XYLB: variants seen among roughly 807,000 people sequenced by gnomAD.
The protein encoded by XYLB is xylulose kinase.
Under a neutral mutation model 78.7 loss-of-function variants are expected in XYLB, and 62 were observed. The observed-to-expected ratio is 0.79, with a 90% CI of 0.64 to 0.97. XYLB has a LOEUF of 0.97. Among genes scored for constraint, XYLB ranks in the 50% least tolerant of loss-of-function variants. XYLB has a pLI of 0.00. For missense variants in XYLB, 687 were observed against 676.8 expected, an observed-to-expected ratio of 1.02 and a Z score of -0.17; for synonymous variants, 245 against 247.4, an observed-to-expected ratio of 0.99 and a Z score of 0.09.
chr3:38,398,579 C>T (rs1374391063), intron 17 of XYLB, among the ~76,000 whole-genome samples: 1 of 152,188 alleles, frequency 6.6e-6, no homozygotes, highest in South Asian at 2.1e-4. Flanking sequence ...GAATTTATTT[C>T]CAGATTCTTA....
At chr3:38,425,965 G>C (rs141393806), downstream of XYLB, among the ~76,000 whole-genome samples, 1,031 of 152,290 alleles carry the variant, frequency 6.8e-3, 11 homozygotes, top group African/African-American at 0.022. Context: ...CCAAGAAGGA[G>C]TATGGATACC....
chr3:38,431,955 GA>G, the XYLB span, among the ~76,000 whole-genome samples: 1 of 151,682 alleles, frequency 6.6e-6, no homozygotes, highest in Non-Finnish European at 1.5e-5. Flanking sequence ...ATTCAAGATT[GA>G]AAAAAAAGAT....
chr3:38,390,122 G>A lies in XYLB; in HGVS notation c.1292-5383G>A, dbSNP rs564312855. Reference sequence around the variant, plus strand: ...ATTCTGTCATTGTTACAGCACAAATGTGTTCTTTCTTGACCATCATCATCT... The same window carrying A: ...ATTCTGTCATTGTTACAGCACAAATATGTTCTTTCTTGACCATCATCATCT... On this transcript the variant is annotated intron_variant, in intron 15 of 18. Coordinates refer to ENST00000207870, the MANE Select transcript of XYLB (RefSeq NM_005108.4). 6.3e-4 allele frequency among the ~76,000 whole-genome samples: 96 copies of A among 152,276 alleles called. 2 individuals are homozygous for A. The highest frequency in any genetic ancestry group is 2.3e-3 in the African/African-American group (94 of 41,568).
downstream of XYLB, among the ~76,000 whole-genome samples, chr3:38,415,525 G>A (rs1477662192): frequency 2.6e-5 from 4 of 152,320 alleles, no homozygotes; most frequent in African/African-American, 9.6e-5. Flanking sequence ...GCTCATGTCT[G>A]TAATCCCAGC....
chr3:38,365,093 T>C, intron 4 of XYLB, 106 bp from the exon 5 acceptor site: 1 of 930,154 alleles, frequency 1.1e-6, no homozygotes, highest in Non-Finnish European at 1.7e-6. Flanking sequence ...CAGGGGCAGG[T>C]GTGGAGCCCA....
chr3:38,398,023 T>C (rs1707953577), intron 17 of XYLB, among the ~76,000 whole-genome samples: 1 of 151,382 alleles, frequency 6.6e-6, no homozygotes, highest in Admixed American at 6.6e-5. Context: ...TTTCACTGTG[T>C]TAGCCAGGAT....
downstream of XYLB, chr3:38,421,235 C>T (rs770979736): frequency 2.6e-5 from 4 of 152,616 alleles, no homozygotes; most frequent in South Asian, 5.8e-4. Context: ...GGAGTCTCCA[C>T]GACCGAGCTG....
chr3:38,433,651 T>G, the XYLB span, among the ~76,000 whole-genome samples: 3 of 152,190 alleles, frequency 2.0e-5, no homozygotes, highest in African/African-American at 7.2e-5. Context: ...AGAGTCAACT[T>G]TATTCCAATT....
At chr3:38,412,854 A>T (rs1708651780) in intron 18 of XYLB, 82 bp from the exon 19 acceptor site, 1 of 1,248,524 alleles carries the variant, frequency 8.0e-7, no homozygotes, top group Non-Finnish European at 1.1e-6. Flanking sequence ...AACGGGATTT[A>T]AAAATTTTAA....
chr3:38,435,632 C>A, the XYLB span, among the ~76,000 whole-genome samples: 1 of 152,276 alleles, frequency 6.6e-6, no homozygotes, highest in African/African-American at 2.4e-5. Flanking sequence ...CCAACGACTG[C>A]AGAATATAGA....
At chr3:38,433,707 T>C in the XYLB span, among the ~76,000 whole-genome samples, 2 of 152,182 alleles carry the variant, frequency 1.3e-5, no homozygotes, top group African/African-American at 4.8e-5. Flanking sequence ...CAGCCTGGAC[T>C]CCATTGTCCA....
chr3:38,380,506 C>T (rs1210615887), intron 15 of XYLB, among the ~76,000 whole-genome samples: 1 of 152,068 alleles, frequency 6.6e-6, no homozygotes, highest in Non-Finnish European at 1.5e-5. Context: ...GCTTGAGGGC[C>T]TTCCTATGAT....
chr3:38,422,842 G>A (rs192476000), downstream of XYLB, among the ~76,000 whole-genome samples: 14 of 152,046 alleles, frequency 9.2e-5, no homozygotes, highest in African/African-American at 1.4e-4. Context: ...CAGTTCAAGC[G>A]GAAGGAAAAA....
chr3:38,402,621 G>C (rs1006162631), intron 18 of XYLB, among the ~76,000 whole-genome samples: 7 of 152,228 alleles, frequency 4.6e-5, no homozygotes, highest in African/African-American at 1.7e-4. Context: ...GAGACCTTAA[G>C]CAGCACTCCT....
At chr3:38,361,117 C>A (rs1485480349) in intron 3 of XYLB, among the ~76,000 whole-genome samples, 1 of 152,232 alleles carries the variant, frequency 6.6e-6, no homozygotes, top group Admixed American at 6.5e-5. Context: ...GCTCCCTAAT[C>A]ACCTAGAATG....
At chr3:38,421,969 A>T (rs1708993448), downstream of XYLB, among the ~76,000 whole-genome samples, 1 of 152,186 alleles carries the variant, frequency 6.6e-6, no homozygotes, top group South Asian at 2.1e-4. Context: ...CAAGAGGGTG[A>T]TATGGATGCT....
At chr3:38,432,923 G>C in the XYLB span, among the ~76,000 whole-genome samples, 62 of 152,186 alleles carry the variant, frequency 4.1e-4, no homozygotes, top group African/African-American at 1.4e-3. Context: ...TCTGGAGGAT[G>C]GTGGCCCTCT....
intron 18 of XYLB, among the ~76,000 whole-genome samples, chr3:38,405,463 A>T (rs1394889886): frequency 6.6e-6 from 1 of 151,816 alleles, no homozygotes; most frequent in East Asian, 1.9e-4. Context: ...AACGCAGAAG[A>T]CGGGTGATTT....
At chr3:38,391,222 C>T (rs1707638384) in intron 15 of XYLB, among the ~76,000 whole-genome samples, 1 of 1,678 alleles carries the variant, frequency 6.0e-4, no homozygotes, top group East Asian at 0.026. Context: ...TCAAAAACAA[C>T]AACAACAACA....
Sources: allele counts gnomAD v4.1 joint callset (sites outside exome capture counted in the v4.1 genomes callset), GRCh38; gene constraint gnomAD v4.1.1; transcripts MANE v1.5; gene names NCBI Gene and HGNC (gene_info 2026-07-23, HGNC 2026-07-21).